Variants in FGD3 observed in about 807,000 individuals in gnomAD.
The protein encoded by FGD3 is FYVE, RhoGEF and PH domain containing 3, also known as FYVE, RhoGEF and PH domain-containing protein 3.
A neutral mutation model predicts 71.8 loss-of-function variants in FGD3; 45 were observed. That is an observed-to-expected ratio of 0.63 (90% confidence interval 0.49 to 0.80). FGD3 has a LOEUF of 0.80. Among genes scored for constraint, FGD3 ranks in the 30% least tolerant of loss-of-function variants. The probability of loss-of-function intolerance (pLI) is 0.00; values close to 1 mark genes in which losing one functional copy is unlikely to be tolerated. For missense variants in FGD3, 844 were observed against 951.5 expected (o/e 0.89, Z 1.49); for synonymous variants, 378 against 392.8 (o/e 0.96, Z 0.44).
chr9:93,012,520 C>T (rs1427853497), intron 8 of FGD3, among the ~76,000 whole-genome samples: 3 of 152,182 alleles, frequency 2.0e-5, no homozygotes, highest in African/African-American at 7.2e-5. Flanking sequence ...CGTGGTGGCT[C>T]ATGGCTGTAA....
intron 3 of FGD3, among the ~76,000 whole-genome samples, chr9:92,990,573 T>C (rs1163336271): frequency 1.3e-5 from 2 of 152,368 alleles, no homozygotes; most frequent in East Asian, 3.9e-4. Context: ...ATATGGGCTT[T>C]ATTATTTTGA....
intron 1 of FGD3, among the ~76,000 whole-genome samples, chr9:92,953,559 A>G (rs1238928019): frequency 6.6e-6 from 1 of 152,188 alleles, no homozygotes; most frequent in Non-Finnish European, 1.5e-5. Context: ...ACATTTTCCC[A>G]GGGAGCCCCC....
At chr9:92,990,824 T>A (rs563540428) in intron 3 of FGD3, among the ~76,000 whole-genome samples, 1 of 152,294 alleles carries the variant, frequency 6.6e-6, no homozygotes, top group East Asian at 1.9e-4. Context: ...GGTTTGCGGG[T>A]ATTTTGTTGA....
At chr9:92,981,094 C>T (rs2118598477) in intron 3 of FGD3, among the ~76,000 whole-genome samples, 1 of 151,032 alleles carries the variant, frequency 6.6e-6, no homozygotes, top group South Asian at 2.1e-4. Context: ...TTGGGCCAGG[C>T]ATGGTGGCTC....
chr9:92,976,102 G>T, intron 2 of FGD3, 106 bp from the exon 3 acceptor site: 3 of 664,022 alleles, frequency 4.5e-6, no homozygotes, highest in Non-Finnish European at 7.5e-6. Context: ...CCAGGCTTTC[G>T]GTGGGGGGCG....
intron 3 of FGD3, among the ~76,000 whole-genome samples, chr9:92,979,225 A>G (rs1461514253): frequency 6.6e-6 from 1 of 152,086 alleles, no homozygotes; most frequent in Non-Finnish European, 1.5e-5. Context: ...ACCATTGAAT[A>G]TGATGTTAGC....
rs116047443 is a variant in FGD3 at position 92,955,919 on chromosome 9, C to T, written c.-218+8190C>T. On this transcript the variant is annotated intron_variant, in intron 1 of 17. Coordinates refer to ENST00000375482, the MANE Select transcript of FGD3 (RefSeq NM_001083536.2). ...GGGGAATCATCACACATCTAGGCTGCTGTGTGTGTCAATAGTGTTTCCTTG... is the reference window on the plus strand; with the variant it reads ...GGGGAATCATCACACATCTAGGCTGTTGTGTGTGTCAATAGTGTTTCCTTG... Among the ~76,000 whole-genome samples the T allele has an allele frequency of 2.2e-3, 330 of 152,290 alleles. 1 individual carries two copies. The highest frequency in any genetic ancestry group is 7.8e-3 in the African/African-American group (323 of 41,544).
Position 92,952,438 on chromosome 9 carries a change from C to T in FGD3, c.-218+4709C>T, listed in dbSNP as rs528933676. Among the ~76,000 whole-genome samples the T allele has an allele frequency of 8.5e-5, 13 of 152,054 alleles. No individual in the cohort carries two copies. In the South Asian group the frequency reaches 2.7e-3, roughly 32 times the overall value. On this transcript the variant is annotated intron_variant, in intron 1 of 17. Transcript: ENST00000375482. ...TTTTTTAGTAGAGACGGGGTTTCAC[C>T]GTGTTAGCCAGGATGGTCTTGATCT...
chr9:92,977,081 G>A (rs1587824719), intron 3 of FGD3, among the ~76,000 whole-genome samples: 2 of 152,306 alleles, frequency 1.3e-5, no homozygotes, highest in African/African-American at 2.4e-5. Flanking sequence ...GGGAGGAGAC[G>A]ATGTGAGTGG....
chr9:93,035,888 C>A lies in FGD3; in HGVS notation c.*299C>A. ...ATATGGGCCGTGTGGTGATGCTGGC[C>A]CGGAAGGCAGAAAGAGGCAGCATGG... On this transcript the variant is annotated 3_prime_UTR_variant, in exon 18 of 18. Coordinates refer to ENST00000375482, the MANE Select transcript of FGD3 (RefSeq NM_001083536.2). 2.7e-6 allele frequency: 1 copy of A among 365,810 alleles called. No individual in the cohort carries two copies. Among genetic ancestry groups the A allele is most frequent in the Non-Finnish European group, 4.9e-6 (1 of 203,344 alleles). The allele number at this position is 365,810 out of a possible 1,614,324, so 22.7% of individuals were successfully genotyped here.
intron 5 of FGD3, among the ~76,000 whole-genome samples, chr9:93,004,489 T>G (rs1860977522): frequency 6.6e-6 from 1 of 152,192 alleles, no homozygotes; most frequent in Admixed American, 6.5e-5. Flanking sequence ...TACTCCACCT[T>G]TGTTTTAAAA....
chr9:92,987,697 G>A (rs1466665239), intron 3 of FGD3, among the ~76,000 whole-genome samples: 3 of 152,166 alleles, frequency 2.0e-5, no homozygotes, highest in Non-Finnish European at 4.4e-5. Flanking sequence ...TCTTTCGTGT[G>A]GTGGGCTGTC....
chr9:93,032,960 C>A, intron 16 of FGD3, 87 bp downstream of exon 16: 2 of 1,300,182 alleles, frequency 1.5e-6, no homozygotes, highest in Non-Finnish European at 2.2e-6. Context: ...CTCCAGCTGC[C>A]TCTGCTTTCG....
chr9:92,958,051 T>C (rs1045372441), intron 1 of FGD3, among the ~76,000 whole-genome samples: 1 of 149,104 alleles, frequency 6.7e-6, no homozygotes, highest in African/African-American at 2.5e-5. Flanking sequence ...CAGGCTGGAG[T>C]GCAGTGGCAT....
intron 6 of FGD3, among the ~76,000 whole-genome samples, chr9:93,006,894 T>G (rs1410312114): frequency 1.3e-5 from 2 of 149,082 alleles, no homozygotes; most frequent in Non-Finnish European, 3.0e-5. Context: ...GCCCAGCTAA[T>G]TTTTTTGTAT....
intron 14 of FGD3, 99 bp from the exon 15 acceptor site, chr9:93,029,775 T>C (rs1587873244): frequency 1.3e-6 from 2 of 1,488,882 alleles, no homozygotes; most frequent in Admixed American, 1.8e-5. Context: ...CTTGAGCCTG[T>C]GTGGCTTTTA....
chr9:93,011,066 G>A, intron 7 of FGD3, 148 bp from the exon 8 acceptor site: 1 of 781,624 alleles, frequency 1.3e-6, no homozygotes. Context: ...CTTCCTCTGG[G>A]CCAGTCCTCT....
At chr9:93,006,706 C>T (rs1051004180) in intron 6 of FGD3, among the ~76,000 whole-genome samples, 1 of 151,968 alleles carries the variant, frequency 6.6e-6, no homozygotes, top group South Asian at 2.1e-4. Flanking sequence ...ATTATTTTCC[C>T]CCATTGATCT....
chr9:93,005,272 G>A (rs897556298), intron 5 of FGD3, among the ~76,000 whole-genome samples: 3 of 151,974 alleles, frequency 2.0e-5, no homozygotes, highest in Admixed American at 6.6e-5. Context: ...GCAGGCGCCC[G>A]CCACCACACC....
Sources: allele counts gnomAD v4.1 joint callset (sites outside exome capture counted in the v4.1 genomes callset), GRCh38; gene constraint gnomAD v4.1.1; transcripts MANE v1.5; gene names NCBI Gene and HGNC (gene_info 2026-07-23, HGNC 2026-07-21).